Variants in KCNH2 observed in about 807,000 individuals in gnomAD.
KCNH2 encodes the protein potassium voltage-gated channel subfamily H member 2.
A neutral mutation model predicts 95.9 loss-of-function variants in KCNH2; 35 were observed. That is an observed-to-expected ratio of 0.37 (90% CI 0.28 to 0.48). The LOEUF (loss-of-function observed/expected upper bound fraction) is 0.48, where lower values mean the gene tolerates loss of function less well. Among genes scored for constraint, KCNH2 ranks in the 20% least tolerant of loss-of-function variants. The pLI is 0.99. For synonymous variants in KCNH2, 786 were observed against 754.7 expected (o/e 1.04, Z -0.68); for missense variants, 1,274 against 1,702.9 (o/e 0.75, Z 4.43).
chr7:150,946,817 G>T lies in KCNH2; in HGVS notation c.3330+60C>A. The stretch of plus-strand genomic sequence containing the variant: ...AGCAGAAAGGCAGCAAAGCAGGTTT[G>T]GGCTGGAATCGGGGAACAAGCGGGT... On this transcript the variant is annotated intron_variant, in intron 14 of 14. Coordinates refer to ENST00000262186, the MANE Select transcript of KCNH2 (RefSeq NM_000238.4). The surrounding 1 kb of genome is among the most constrained non-coding windows in gnomAD (Gnocchi z 6.5). The T allele has an allele frequency of 1.3e-6, 2 of 1,490,076 alleles. No individual in the cohort carries two copies. The highest frequency in any genetic ancestry group is 1.8e-6 in the Non-Finnish European group (2 of 1,085,818). The allele number at this position is 1,490,076 out of a possible 1,614,324, so 92.3% of individuals were successfully genotyped here. A position where few individuals can be genotyped will look rare whatever the true frequency, so the allele number is the denominator to read the frequency against.
intron 2 of KCNH2, among the ~76,000 whole-genome samples, chr7:150,964,714 C>G (rs1273126766): frequency 1.3e-5 from 2 of 152,226 alleles, no homozygotes; most frequent in African/African-American, 4.8e-5. Flanking sequence ...TCGCTCGGAG[C>G]AGGAGGAGCT....
chr7:150,976,368 C>T (rs2117068835), intron 1 of KCNH2, among the ~76,000 whole-genome samples: 1 of 152,196 alleles, frequency 6.6e-6, no homozygotes, highest in Middle Eastern at 3.4e-3. Context: ...TTCCCAAGGC[C>T]CCCCAGACCT....
intron 9 of KCNH2, chr7:150,949,378 A>T: frequency 8.3e-7 from 1 of 1,207,868 alleles, no homozygotes; most frequent in Non-Finnish European, 1.0e-6. Flanking sequence ...CAAACCAAAG[A>T]TCAGAACACA....
In KCNH2 at chr7:150,958,298, C is replaced by G; in HGVS notation, c.677G>C (p.Gly226Ala). Residue 226 changes from glycine to alanine, a missense_variant, in exon 4 of 15, where the codon GGG becomes GCG. Gly to Ala is a moderately conservative substitution (Grantham distance 60). Coordinates refer to ENST00000262186, the MANE Select transcript of KCNH2 (RefSeq NM_000238.4). ...TAMDNHVAGL[G>A]PAEERRALVG... ...CAGCGCACGCCGCTCCTCCGCGGGC[C>G]CGAGCCCTGCCACGTGGTTGTCCAT... 1 of 1,474,324 alleles carries G rather than the reference C, an allele frequency of 6.8e-7. No individual in the cohort carries two copies. Among genetic ancestry groups the G allele is most frequent in the Non-Finnish European group, 8.9e-7 (1 of 1,118,426 alleles). The allele number at this position is 1,474,324 out of a possible 1,614,324, so 91.3% of individuals were successfully genotyped here. A position where few individuals can be genotyped will look rare whatever the true frequency, so the allele number is the denominator to read the frequency against.
At chr7:150,959,945 T>A (rs1801509344) in intron 2 of KCNH2, among the ~76,000 whole-genome samples, 1 of 152,168 alleles carries the variant, frequency 6.6e-6, no homozygotes. Context: ...CCCCAGCTTG[T>A]TGCTGCCAGG....
rs1563176141 is a variant in KCNH2, at chr7:150,962,212, C to G, written c.308-2476G>C. ...TGGTGATGGCCGGCAGCGGCCTGAA[C>G]AGGGATGCGCCTCACCAGGACTGAG... On this transcript the variant is annotated intron_variant, in intron 2 of 14. Transcript: ENST00000262186. This position sits in a 1 kb window ranked among gnomAD's most constrained non-coding sequence, Gnocchi z 5.7. Among the ~76,000 whole-genome samples, 1 of 152,222 alleles carries G rather than the reference C, an allele frequency of 6.6e-6. No homozygotes were observed. Among genetic ancestry groups the G allele is most frequent in the Non-Finnish European group, 1.5e-5 (1 of 68,038 alleles).
chr7:150,958,016 A>AG, intron 4 of KCNH2, 43 bp downstream of exon 4: 1 of 1,266,068 alleles, frequency 7.9e-7, no homozygotes, highest in Non-Finnish European at 9.9e-7. Flanking sequence ...TGGCAGCAGA[A>AG]GAAGCGTGGG....
At chr7:150,963,655 A>T (rs1801628093) in intron 2 of KCNH2, among the ~76,000 whole-genome samples, 1 of 134,520 alleles carries the variant, frequency 7.4e-6, no homozygotes, top group South Asian at 2.5e-4. Flanking sequence ...ACTTTGGGTG[A>T]GAAGGTTCTC....
intron 2 of KCNH2, among the ~76,000 whole-genome samples, chr7:150,972,645 C>A (rs578169555): frequency 5.9e-5 from 9 of 152,310 alleles, no homozygotes; most frequent in Admixed American, 2.0e-4. Context: ...TGGGTCACAG[C>A]CCCATTTTTT....
Position 150,958,069 on chromosome 7 carries a change from G to A in KCNH2, c.906C>T (p.His302=). ...RAGVLPPPPR[H]ASTGAMHPLR... ...CCGCGGCGCCCTCACCGGTGCTGGC[G>A]TGGCGCGGTGGCGGGGGCAGCACCC... The change falls in exon 4 of 15, where the codon CAC becomes CAT. Residue 302 remains histidine, a synonymous_variant. Coordinates refer to ENST00000262186, the MANE Select transcript of KCNH2 (RefSeq NM_000238.4). The A allele has an allele frequency of 2.4e-6, 3 of 1,275,310 alleles. No homozygotes were observed. The highest frequency in any genetic ancestry group is 3.0e-6 in the Non-Finnish European group (3 of 1,014,928). 79.0% of individuals were successfully genotyped at this position (1,275,310 alleles called of 1,614,324 possible).
At chr7:150,972,895 C>T (rs565810743) in intron 2 of KCNH2, among the ~76,000 whole-genome samples, 1 of 152,340 alleles carries the variant, frequency 6.6e-6, no homozygotes, top group East Asian at 1.9e-4. Flanking sequence ...CACCTAAGAG[C>T]ACTCCACACA....
intron 5 of KCNH2, chr7:150,955,495 G>A (rs1801338654): frequency 1.9e-6 from 3 of 1,547,732 alleles, no homozygotes; most frequent in Non-Finnish European, 1.7e-6. Flanking sequence ...TCCCGGCTGG[G>A]GCCGCCATGG....
Position 150,949,053 on chromosome 7 carries a change from G to T in KCNH2, c.2399-4C>A, listed in dbSNP as rs764971215. 1.1e-5 allele frequency: 18 copies of T among 1,613,578 alleles called. No homozygotes were observed. In the Admixed American group the frequency reaches 3.0e-4, roughly 27 times the overall value. On this transcript the variant is annotated splice_region_variant and splice_polypyrimidine_tract_variant and intron_variant, in intron 9 of 14. Transcript: ENST00000262186. ...TCCCCAAAGATGTCATTCTTCCCTG[G>T]AGGCCATGGAGAGGACAGGGAGCTC...
intron 9 of KCNH2, 28 bp downstream of exon 9, chr7:150,950,140 A>G: frequency 6.5e-7 from 1 of 1,547,240 alleles, no homozygotes; most frequent in Non-Finnish European, 8.8e-7. Flanking sequence ...GGGCATTTCC[A>G]GTCCAGTGCC....
chr7:150,948,423 T>TCCCCCCCCCCCC, intron 11 of KCNH2, 21 bp downstream of exon 11: 11 of 894,054 alleles, frequency 1.2e-5, no homozygotes, highest in Middle Eastern at 2.6e-4. Context: ...CCCTCCCCCT[T>TCCCCCCCCCCCC]CCTCCCCTCC....
rs181119727 is a variant in KCNH2 at position 150,947,058 on chromosome 7, G to C, written c.3153-4C>G. ...TGCACTCAGCCGGGTCTCCAGCCTG[G>C]GGCAGGAAGTGGGGGATGCTCAGAG... On this transcript the variant is annotated splice_region_variant and splice_polypyrimidine_tract_variant and intron_variant, in intron 13 of 14. Transcript: ENST00000262186. The C allele has an allele frequency of 2.5e-6, 4 of 1,592,562 alleles. No individual in the cohort carries two copies. Among genetic ancestry groups the C allele is most frequent in the African/African-American group, 1.3e-5 (1 of 74,442 alleles).
intron 8 of KCNH2, 100 bp from the exon 9 acceptor site, chr7:150,950,520 A>T: frequency 2.1e-6 from 3 of 1,422,156 alleles, no homozygotes; most frequent in Non-Finnish European, 2.8e-6. Flanking sequence ...AGAAATCTCA[A>T]CCTCCAGGCC....
Position 150,947,656 on chromosome 7 carries a change from G to A in KCNH2, c.2915C>T (p.Pro972Leu). 4 of 1,611,068 alleles carry A rather than the reference G, an allele frequency of 2.5e-6. No homozygotes were observed. Among genetic ancestry groups the A allele is most frequent in the Non-Finnish European group, 3.4e-6 (4 of 1,178,908 alleles). Reference sequence around the variant, plus strand: ...GCTCTTCTCGCAGTCCTCCATCAGGGGCTCCCCACCCGGCGGCTCTCCGGG... The same window carrying A: ...GCTCTTCTCGCAGTCCTCCATCAGGAGCTCCCCACCCGGCGGCTCTCCGGG... ...RPPGEPPGGE[P>L]LMEDCEKSSD... Residue 972 changes from proline (P) to leucine (L), a missense_variant, in exon 12 of 15, where the codon CCC becomes CTC. Pro to Leu is a moderately conservative substitution (Grantham distance 98, BLOSUM62 -3). This residue lies in a region of KCNH2 where 457 missense variants were observed against 416.1 expected (regional missense o/e 1.10). Transcript: ENST00000262186.
At position 150,977,824 on chromosome 7, in the gene KCNH2, C is replaced by T; in HGVS notation, c.76+14G>A. 1 of 1,564,766 alleles carries T rather than the reference C, an allele frequency of 6.4e-7. No individual in the cohort carries two copies. Among genetic ancestry groups the T allele is most frequent in the Non-Finnish European group, 8.7e-7 (1 of 1,147,614 alleles). ...CCAGAGCCCCCTCCCCGCTCAGCCC[C>T]CTCCCCCACTCACTCTGGCCCTCAA... On this transcript the variant is annotated intron_variant, in intron 1 of 14. Transcript: ENST00000262186.
Sources: gnomAD v4.1 joint callset for allele counts (sites outside exome capture counted in the v4.1 genomes callset) on GRCh38, gnomAD v4.1.1 for gene constraint, gnomAD v4.1.1 regional missense constraint, Gnocchi (gnomAD v3.1) non-coding constraint, MANE v1.5 for transcripts, NCBI Gene and HGNC (gene_info 2026-07-23, HGNC 2026-07-21) for gene names.